EIF2S2: variants seen among roughly 807,000 people sequenced by gnomAD.
EIF2S2 encodes the protein eukaryotic translation initiation factor 2 subunit beta.
A neutral mutation model predicts 44.0 loss-of-function variants in EIF2S2; 4 were observed. The ratio of observed to expected loss-of-function variants is 0.09; its 90% CI spans 0.04 to 0.21. The LOEUF (loss-of-function observed/expected upper bound fraction) is 0.21. Among genes scored for constraint, EIF2S2 ranks in the 10% least tolerant of loss-of-function variants. The pLI, the probability that EIF2S2 is intolerant of heterozygous loss-of-function variation, is 1.00. For missense variants in EIF2S2, 154 were observed against 392.0 expected (o/e 0.39, Z 5.13); for synonymous variants, 108 against 128.3 (o/e 0.84, Z 1.07).
intron 6 of EIF2S2, among the ~76,000 whole-genome samples, 194 bp downstream of exon 6, chr20:34,096,463 C>A (rs2034230163): frequency 6.6e-6 from 1 of 152,016 alleles, no homozygotes; most frequent in Non-Finnish European, 1.5e-5. Flanking sequence ...AGACCGTTAT[C>A]TTTAATAAAA....
rs2034315820 is a variant in EIF2S2, at chr20:34,103,478, G to C, written c.281C>G (p.Ala94Gly). Residue 94 changes from alanine to glycine, a missense_variant, in exon 3 of 9, where the codon GCT becomes GGT. By Grantham distance (60) the Ala-to-Gly change is moderately conservative (BLOSUM62 0). Transcript: ENST00000374980. ...KTKKIFDIDE[A>G]EEGVKDLKIE... ...CAATACTACCTTTACACCTTCTTCA[G>C]CTTCATCAATATCAAATATCTTTTT... 4.5e-6 allele frequency: 7 copies of C among 1,560,088 alleles called. No homozygotes were observed. The highest frequency in any genetic ancestry group is 1.4e-5 in the African/African-American group (1 of 73,268).
chr20:34,105,406 T>C lies in EIF2S2; in HGVS notation c.155A>G (p.Lys52Arg). 1 of 1,614,020 alleles carries C rather than the reference T, an allele frequency of 6.2e-7. No individual in the cohort carries two copies. Among genetic ancestry groups the C allele is most frequent in the Non-Finnish European group, 8.5e-7 (1 of 1,179,902 alleles). Residue 52 changes from lysine to arginine, a missense_variant, in exon 2 of 9, where the codon AAG becomes AGG. By Grantham distance (26) the Lys-to-Arg change is conservative (BLOSUM62 2). Coordinates refer to ENST00000374980, the MANE Select transcript of EIF2S2 (RefSeq NM_003908.5). ...GTCCTCTTCATCAGCTTCCAAATCC[T>C]TGTCCTCAGTTGGCTCTGGCTCCAC... Reference protein sequence around the residue: ...KEVEPEPTEDKDLEADEEDTR... With the variant: ...KEVEPEPTEDRDLEADEEDTR...
intron 4 of EIF2S2, among the ~76,000 whole-genome samples, chr20:34,097,916 TA>T (rs2122409970): frequency 1.3e-5 from 2 of 152,282 alleles, no homozygotes; most frequent in East Asian, 3.9e-4. Context: ...TAGAAACTAA[TA>T]AAACTGTAAA....
At chr20:34,096,600 TAAA>T in intron 6 of EIF2S2, 54 bp downstream of exon 6, 1 of 1,511,606 alleles carries the variant, frequency 6.6e-7, no homozygotes, top group South Asian at 1.3e-5. Flanking sequence ...TTAACATTCT[TAAA>T]ACTGCAATGA....
intron 3 of EIF2S2, among the ~76,000 whole-genome samples, chr20:34,103,022 C>CA (rs2034310965): frequency 6.6e-6 from 1 of 152,218 alleles, no homozygotes; most frequent in Non-Finnish European, 1.5e-5. Context: ...GGTTTGCCTA[C>CA]AGGCCACATT....
intron 1 of EIF2S2, among the ~76,000 whole-genome samples, chr20:34,106,966 G>A (rs2034356925): frequency 6.6e-6 from 1 of 152,128 alleles, no homozygotes; most frequent in East Asian, 1.9e-4. Flanking sequence ...CGGATCATGA[G>A]GTCAGGAGAT....
At position 34,112,168 on chromosome 20, in the gene EIF2S2, C is replaced by A. The variant is rs1339311156; in HGVS notation, c.-58G>T. On this transcript the variant is annotated 5_prime_UTR_variant, in exon 1 of 9. Transcript: ENST00000374980. ...GAAGTCAGACGGGTCAGCCCCAGGC[C>A]CCGGCGGCAGCGCTGCCCCTGCCGA... 26 of 1,498,562 alleles carry A rather than the reference C, an allele frequency of 1.7e-5. No homozygotes were observed. Among genetic ancestry groups the A allele is most frequent in the Non-Finnish European group, 2.3e-5 (26 of 1,115,164 alleles). The allele number at this position is 1,498,562 out of a possible 1,614,324, so 92.8% of individuals were successfully genotyped here.
At chr20:34,107,935 T>C (rs970153692) in intron 1 of EIF2S2, among the ~76,000 whole-genome samples, 7 of 152,160 alleles carry the variant, frequency 4.6e-5, no homozygotes, top group African/African-American at 1.7e-4. Context: ...CCTACCAAGA[T>C]AGAAGAGCAA....
Position 34,096,810 on chromosome 20 carries a change from A to G in EIF2S2, c.535-5T>C, listed in dbSNP as rs200577697. 1,049 of 1,602,606 alleles carry G rather than the reference A, an allele frequency of 6.5e-4. 12 individuals carry two copies. The South Asian group carries it at 9.7e-3, about 15-fold the overall frequency. On this transcript the variant is annotated splice_polypyrimidine_tract_variant and splice_region_variant and intron_variant, in intron 5 of 8. Transcript: ENST00000374980. Reference sequence around the variant, plus strand: ...GTTGAACACTCGATTCAGCAGCTATAAAAATAAAGTGGTATTCATGAATAC... The same window carrying G: ...GTTGAACACTCGATTCAGCAGCTATGAAAATAAAGTGGTATTCATGAATAC...
intron 1 of EIF2S2, among the ~76,000 whole-genome samples, chr20:34,109,529 A>G (rs574051247): frequency 3.7e-4 from 56 of 152,182 alleles, no homozygotes; most frequent in African/African-American, 1.3e-3. Context: ...GTGCAAGAGC[A>G]TGCACGTGTA....
chr20:34,093,652 T>C (rs763167202), intron 7 of EIF2S2, 23 bp downstream of exon 7: 2 of 1,592,600 alleles, frequency 1.3e-6, no homozygotes, highest in Non-Finnish European at 8.6e-7. Context: ...CAGTACTGTA[T>C]GTAAATGTAT....
intron 7 of EIF2S2, among the ~76,000 whole-genome samples, chr20:34,092,261 T>C (rs2034175140): frequency 6.6e-6 from 1 of 152,204 alleles, no homozygotes; most frequent in Admixed American, 6.5e-5. Flanking sequence ...CTTGTTATAA[T>C]AGTTTATCCC....
intron 1 of EIF2S2, 109 bp downstream of exon 1, chr20:34,111,987 C>T: frequency 4.1e-6 from 5 of 1,233,994 alleles, no homozygotes; most frequent in Non-Finnish European, 5.2e-6. Context: ...GCGCGGCTGC[C>T]TCACATGGCG....
intron 6 of EIF2S2, among the ~76,000 whole-genome samples, chr20:34,095,212 A>G (rs1430678586): frequency 3.3e-5 from 5 of 152,260 alleles, no homozygotes; most frequent in Admixed American, 2.0e-4. Flanking sequence ...ATATTGAGAA[A>G]ATAGGTTAAA....
At chr20:34,095,803 A>C (rs913139556) in intron 6 of EIF2S2, among the ~76,000 whole-genome samples, 1 of 152,218 alleles carries the variant, frequency 6.6e-6, no homozygotes, top group East Asian at 1.9e-4. Context: ...AGTGAATATT[A>C]TCTCTTTTGT....
At chr20:34,104,476 C>G (rs2034326757) in intron 2 of EIF2S2, among the ~76,000 whole-genome samples, 1 of 152,184 alleles carries the variant, frequency 6.6e-6, no homozygotes, top group Non-Finnish European at 1.5e-5. Flanking sequence ...TCTCCCTACT[C>G]AATACTAAGA....
intron 1 of EIF2S2, among the ~76,000 whole-genome samples, chr20:34,109,626 C>T (rs1027565333): frequency 1.3e-5 from 2 of 151,988 alleles, no homozygotes; most frequent in African/African-American, 4.8e-5. Flanking sequence ...TGCCACCGCA[C>T]TCCAGCCTGG....
intron 7 of EIF2S2, among the ~76,000 whole-genome samples, chr20:34,091,142 T>TAACAATCAGA (rs1218559701): frequency 6.6e-6 from 1 of 152,198 alleles, no homozygotes; most frequent in Non-Finnish European, 1.5e-5. Flanking sequence ...AACAATCAGA[T>TAACAATCAGA]TTATAATTGA....
At chr20:34,111,999 C>G in intron 1 of EIF2S2, 97 bp downstream of exon 1, 6 of 1,260,724 alleles carry the variant, frequency 4.8e-6, no homozygotes, top group African/African-American at 1.6e-5. Context: ...CACATGGCGG[C>G]GGCCGGCTGC....
Sources: allele counts gnomAD v4.1 joint callset (sites outside exome capture counted in the v4.1 genomes callset), GRCh38; gene constraint gnomAD v4.1.1; transcripts MANE v1.5; gene names NCBI Gene and HGNC (gene_info 2026-07-23, HGNC 2026-07-21).